The following NOL4 variants were observed in gnomAD, a reference collection of about 807,000 sequenced individuals.
NOL4 encodes the protein cancer/testis antigen 125.
A neutral mutation model predicts 75.9 loss-of-function variants in NOL4; 17 were observed. That is an observed-to-expected ratio of 0.22 (90% confidence interval 0.15 to 0.34). The LOEUF (loss-of-function observed/expected upper bound fraction) is 0.34. Ranked by LOEUF, NOL4 falls within the 10% of genes least tolerant of loss-of-function variation. The pLI, the probability that NOL4 is intolerant of heterozygous loss-of-function variation, is 1.00. For synonymous variants in NOL4, 292 were observed against 289.9 expected, an observed-to-expected ratio of 1.01 and a Z score of -0.07; for missense variants, 614 against 793.5, an observed-to-expected ratio of 0.77 and a Z score of 2.72.
chr18:34,071,444 C>CACA (rs1445530210), intron 5 of NOL4, among the ~76,000 whole-genome samples: 1 of 151,382 alleles, frequency 6.6e-6, no homozygotes, highest in African/African-American at 2.4e-5. Context: ...GACAGACACA[C>CACA]ACACACACAC....
chr18:33,933,315 C>A (rs1417340918), intron 9 of NOL4, among the ~76,000 whole-genome samples: 1 of 152,082 alleles, frequency 6.6e-6, no homozygotes, highest in Non-Finnish European at 1.5e-5. Flanking sequence ...GATGGAGAGT[C>A]TTGACTCGAT....
intron 5 of NOL4, among the ~76,000 whole-genome samples, chr18:34,038,464 G>A (rs2076006940): frequency 6.6e-6 from 1 of 151,984 alleles, no homozygotes; most frequent in Non-Finnish European, 1.5e-5. Context: ...ATTCAAAATA[G>A]CAAAAATATG....
intron 5 of NOL4, among the ~76,000 whole-genome samples, chr18:34,083,956 G>T (rs546480666): frequency 1.6e-4 from 24 of 152,196 alleles, no homozygotes; most frequent in Non-Finnish European, 1.6e-4. Context: ...GTTCACTCTG[G>T]ACTCTATTCA....
Position 33,981,217 on chromosome 18 carries a change from A to T in NOL4, c.1057-22799T>A, listed in dbSNP as rs1042047497. Reference sequence around the variant, plus strand: ...AATATGTAAGAACTGTGGGATAACCACAAAAGGTATGAAATATACATAATT... The same window carrying T: ...AATATGTAAGAACTGTGGGATAACCTCAAAAGGTATGAAATATACATAATT... On this transcript the variant is annotated intron_variant, in intron 6 of 10. Transcript: ENST00000261592. 1.8e-4 allele frequency among the ~76,000 whole-genome samples: 27 copies of T among 151,940 alleles called. 1 individual carries two copies. Among genetic ancestry groups the T allele is most frequent in the Admixed American group, 7.2e-4 (11 of 15,232 alleles).
chr18:34,067,762 T>C (rs553992461), intron 5 of NOL4, among the ~76,000 whole-genome samples: 27 of 152,232 alleles, frequency 1.8e-4, no homozygotes, highest in Middle Eastern at 3.4e-3. Context: ...TTTATTTTAT[T>C]TATTTATTTA....
At chr18:34,216,721 C>T (rs936401985) in intron 1 of NOL4, among the ~76,000 whole-genome samples, 9 of 151,150 alleles carry the variant, frequency 6.0e-5, no homozygotes, top group Admixed American at 2.6e-4. Context: ...AAATATGCTT[C>T]TCATTTATCA....
chr18:34,052,250 A>T (rs376749178), intron 5 of NOL4, among the ~76,000 whole-genome samples: 1 of 150,832 alleles, frequency 6.6e-6, no homozygotes, highest in East Asian at 2.0e-4. Flanking sequence ...TTAGTTAAAA[A>T]GCATGTTATT....
intron 6 of NOL4, among the ~76,000 whole-genome samples, chr18:33,990,921 A>T (rs2072868609): frequency 6.6e-6 from 1 of 151,982 alleles, no homozygotes; most frequent in Non-Finnish European, 1.5e-5. Flanking sequence ...ATCATAATGA[A>T]TGCTTTTTTA....
intron 5 of NOL4, chr18:34,023,647 G>A (rs1426297824): frequency 3.3e-6 from 1 of 302,854 alleles, no homozygotes; most frequent in Admixed American, 3.5e-5. Flanking sequence ...GAGTGCCCAG[G>A]GTACCTAGCA....
chr18:33,994,875 A>G (rs1165279515), intron 6 of NOL4, among the ~76,000 whole-genome samples: 1 of 151,670 alleles, frequency 6.6e-6, no homozygotes, highest in Non-Finnish European at 1.5e-5. Flanking sequence ...GAAAAGGTCA[A>G]CAAAAAGACA....
At chr18:33,896,024 C>G (rs72955225) in intron 9 of NOL4, among the ~76,000 whole-genome samples, 22,057 of 151,924 alleles carry the variant, frequency 0.15, 1,957 homozygotes, top group Non-Finnish European at 0.2. Context: ...AACCAAGAAC[C>G]AAATCAGAAA....
At chr18:33,955,394 T>G (rs1476403106) in intron 8 of NOL4, among the ~76,000 whole-genome samples, 1 of 151,996 alleles carries the variant, frequency 6.6e-6, no homozygotes, top group African/African-American at 2.4e-5. Context: ...AAAAGTTAAA[T>G]CCTCTAAAAA....
At chr18:33,965,240 C>T (rs1242058601) in intron 6 of NOL4, among the ~76,000 whole-genome samples, 1 of 152,076 alleles carries the variant, frequency 6.6e-6, no homozygotes, top group Non-Finnish European at 1.5e-5. Context: ...ATTGGGAAGT[C>T]AAAGCAGGAG....
rs538678913 is a variant in NOL4, at chr18:34,042,797, C to T, written c.773-23196G>A. Among the ~76,000 whole-genome samples, 3 of 152,196 alleles carry T rather than the reference C, an allele frequency of 2.0e-5. No individual in the cohort carries two copies. The East Asian group carries it at 5.8e-4, about 29-fold the overall frequency. On this transcript the variant is annotated intron_variant, in intron 5 of 10. Transcript: ENST00000261592. ...CAGACGATCACTACCAACTTGTCCT[C>T]ACATTCTCCTTTCTGTCAGTACTAC...
chr18:34,113,001 C>T (rs2079674389), intron 2 of NOL4, among the ~76,000 whole-genome samples: 1 of 152,148 alleles, frequency 6.6e-6, no homozygotes. Context: ...GACAGGGTCA[C>T]AGGGTCTCTT....
At chr18:34,089,678 A>G (rs924579340) in intron 5 of NOL4, among the ~76,000 whole-genome samples, 9 of 152,310 alleles carry the variant, frequency 5.9e-5, no homozygotes, top group East Asian at 1.9e-4. Context: ...TTTGTTTTCA[A>G]CTTAGGGTAA....
At chr18:34,088,776 T>C (rs2145489174) in intron 5 of NOL4, among the ~76,000 whole-genome samples, 1 of 152,234 alleles carries the variant, frequency 6.6e-6, no homozygotes, top group Admixed American at 6.5e-5. Flanking sequence ...GTAAAATACT[T>C]TTTATGCGAA....
At chr18:33,885,892 T>C (rs2064611645) in intron 9 of NOL4, among the ~76,000 whole-genome samples, 1 of 152,130 alleles carries the variant, frequency 6.6e-6, no homozygotes, top group African/African-American at 2.4e-5. Flanking sequence ...GCAACACTGT[T>C]TACAATAGCT....
At chr18:34,035,137 AT>A (rs1257230195) in intron 5 of NOL4, among the ~76,000 whole-genome samples, 1 of 152,192 alleles carries the variant, frequency 6.6e-6, no homozygotes, top group Non-Finnish European at 1.5e-5. Flanking sequence ...AAAACATTAC[AT>A]TTTATTTAAC....
Sources: allele counts gnomAD v4.1 joint callset (sites outside exome capture counted in the v4.1 genomes callset), GRCh38; gene constraint gnomAD v4.1.1; transcripts MANE v1.5; gene names NCBI Gene and HGNC (gene_info 2026-07-23, HGNC 2026-07-21).